SYAP1: variants seen among roughly 807,000 people sequenced by gnomAD.
SYAP1 encodes the protein synapse-associated protein 1.
In SYAP1, 3 loss-of-function variants were observed where a neutral mutation model predicts 29.6. The ratio of observed to expected loss-of-function variants is 0.10; its 90% CI spans 0.05 to 0.26. The LOEUF is 0.26. Ranked by LOEUF, SYAP1 falls within the 10% of genes least tolerant of loss-of-function variation. The pLI is 1.00. For synonymous variants in SYAP1, 102 were observed against 102.7 expected, an observed-to-expected ratio of 0.99 and a Z score of 0.04; for missense variants, 217 against 264.1, an observed-to-expected ratio of 0.82 and a Z score of 1.24.
chrX:16,720,002 G>A, intron 1 of SYAP1, 103 bp downstream of exon 1: 2 of 850,989 alleles, frequency 2.4e-6, no homozygotes, highest in South Asian at 4.8e-5. Flanking sequence ...AGGGGGCCGA[G>A]GTGGGAGGCA....
chrX:16,728,459 G>A (rs1267102248), intron 1 of SYAP1, among the ~76,000 whole-genome samples: 1 of 111,248 alleles, frequency 9.0e-6, no homozygotes, highest in Non-Finnish European at 1.9e-5. Context: ...CTGAGGCCAG[G>A]AGTTCAAGAC....
chrX:16,754,793 C>T, intron 5 of SYAP1, 152 bp from the exon 6 acceptor site: 1 of 535,917 alleles, frequency 1.9e-6, no homozygotes, highest in South Asian at 3.1e-5. Flanking sequence ...TGAAAGTGCT[C>T]TTGCAAATCA....
In SYAP1 at chrX:16,738,824, G is replaced by A. The variant is rs915039600; in HGVS notation, c.361+2592G>A. Among the ~76,000 whole-genome samples the A allele has an allele frequency of 4.5e-5, 5 of 112,001 alleles. No homozygotes were observed. In the Admixed American group the frequency reaches 4.8e-4, roughly 11 times the overall value. ...GGTCCACTTACAATGACCATGAGAA[G>A]GGCACCTTGGAAATGTGTTCCATGC... is the stretch of plus-strand genomic sequence containing the variant. On this transcript the variant is annotated intron_variant, in intron 3 of 8. Coordinates refer to ENST00000380155, the MANE Select transcript of SYAP1 (RefSeq NM_032796.4).
intron 5 of SYAP1, among the ~76,000 whole-genome samples, chrX:16,749,773 G>C (rs182168265): frequency 9.1e-6 from 1 of 109,777 alleles, no homozygotes; most frequent in East Asian, 2.9e-4. Context: ...AAAATTAGCC[G>C]GGTGGTGGCG....
intron 3 of SYAP1, among the ~76,000 whole-genome samples, chrX:16,739,524 TG>T (rs1470592948): frequency 1.0e-5 from 1 of 96,227 alleles, no homozygotes; most frequent in Non-Finnish European, 2.0e-5. Flanking sequence ...TTGCCCAGGC[TG>T]GAGTGCAGTG....
At chrX:16,734,611 T>C (rs1926282795) in intron 1 of SYAP1, among the ~76,000 whole-genome samples, 1 of 109,350 alleles carries the variant, frequency 9.1e-6, no homozygotes, top group African/African-American at 3.3e-5. Context: ...AGTAGGAGGG[T>C]AGATTATTTA....
Position 16,741,732 on chromosome X carries a change from A to C in SYAP1, c.378A>C (p.Pro126=). ...HTKKSEAAVP[P]WVDTNDEETI... is the part of the protein sequence containing the mutation. The stretch of plus-strand genomic sequence containing the variant: ...ACTGTATAGAAGCAGCTGTGCCCCC[A>C]TGGGTTGACACTAACGATGAAGAAA... Residue 126 remains proline, a synonymous_variant, in exon 4 of 9, where the codon CCA becomes CCC. Transcript: ENST00000380155. The C allele has an allele frequency of 8.3e-7, 1 of 1,205,150 alleles. No individual in the cohort carries two copies. The highest frequency in any genetic ancestry group is 1.1e-6 in the Non-Finnish European group (1 of 892,770).
intron 1 of SYAP1, among the ~76,000 whole-genome samples, chrX:16,725,531 G>GATC (rs1259828738): frequency 8.9e-6 from 1 of 111,839 alleles, no homozygotes; most frequent in African/African-American, 3.3e-5. Flanking sequence ...GGTGTCAGCT[G>GATC]ATCTCTTTGC....
At chrX:16,753,579 A>G (rs773781670) in intron 5 of SYAP1, among the ~76,000 whole-genome samples, 89 of 111,186 alleles carry the variant, frequency 8.0e-4, no homozygotes, top group Non-Finnish European at 9.0e-4. Flanking sequence ...TTCCCCAGGG[A>G]GCTCTGGATC....
At position 16,737,001 on chromosome X, in the gene SYAP1, A is replaced by G. The variant is rs764449345; in HGVS notation, c.361+769A>G. Reference sequence around the variant, plus strand: ...GGTGTTTGGAGAACATACTCAATACATTACTGCTGACACATGCCTCTGAAG... The same window carrying G: ...GGTGTTTGGAGAACATACTCAATACGTTACTGCTGACACATGCCTCTGAAG... On this transcript the variant is annotated intron_variant, in intron 3 of 8. Transcript: ENST00000380155. Among the ~76,000 whole-genome samples, 30 of 111,941 alleles carry G rather than the reference A, an allele frequency of 2.7e-4. 1 individual carries two copies. Among genetic ancestry groups the G allele is most frequent in the Non-Finnish European group, 7.5e-5 (4 of 53,218 alleles).
At chrX:16,725,690 T>A (rs1045035955) in intron 1 of SYAP1, among the ~76,000 whole-genome samples, 2 of 111,714 alleles carry the variant, frequency 1.8e-5, no homozygotes, top group African/African-American at 6.5e-5. Flanking sequence ...ATAATCTTGT[T>A]CCTCTTTTTG....
intron 3 of SYAP1, among the ~76,000 whole-genome samples, chrX:16,740,734 A>G (rs1926441141): frequency 9.0e-6 from 1 of 111,245 alleles, no homozygotes; most frequent in Non-Finnish European, 1.9e-5. Flanking sequence ...TCATAATCAT[A>G]GTATAGTTAA....
intron 5 of SYAP1, among the ~76,000 whole-genome samples, chrX:16,744,438 C>T (rs1056409100): frequency 2.7e-5 from 3 of 112,809 alleles, no homozygotes; most frequent in African/African-American, 6.4e-5. Flanking sequence ...TTGGAGTCAG[C>T]GTTCCTTCTT....
At chrX:16,758,683 T>A (rs1926909833) in intron 8 of SYAP1, among the ~76,000 whole-genome samples, 2 of 110,011 alleles carry the variant, frequency 1.8e-5, no homozygotes, top group South Asian at 7.8e-4. Flanking sequence ...GACTAAATTG[T>A]AAGATCCCCA....
intron 3 of SYAP1, among the ~76,000 whole-genome samples, chrX:16,737,782 A>G (rs1926362730): frequency 8.9e-6 from 1 of 112,056 alleles, no homozygotes. Flanking sequence ...ATAACTACAT[A>G]TGGCTAATGG....
rs1926953105 is a variant in SYAP1, at chrX:16,760,296, A to G, written c.996A>G (p.Glu332=). 3.3e-6 allele frequency: 4 copies of G among 1,203,117 alleles called. No individual in the cohort carries two copies. Among genetic ancestry groups the G allele is most frequent in the Non-Finnish European group, 4.5e-6 (4 of 891,729 alleles). The change falls in exon 9 of 9, where the codon GAA becomes GAG. Residue 332 remains glutamate (E), a synonymous_variant. Transcript: ENST00000380155. ...QELQEYEVVT[E]SEKRDENWDK... ...TTCAAGAATATGAAGTGGTGACAGA[A>G]TCTGAAAAACGAGATGAAAACTGGG...
chrX:16,754,729 A>C (rs1306968501), intron 5 of SYAP1, among the ~76,000 whole-genome samples: 1 of 108,089 alleles, frequency 9.3e-6, no homozygotes, highest in Non-Finnish European at 1.9e-5. Context: ...CTCCGTGTCA[A>C]AAAAAAAAAA....
At chrX:16,739,577 A>C (rs1926409572) in intron 3 of SYAP1, among the ~76,000 whole-genome samples, 1 of 105,568 alleles carries the variant, frequency 9.5e-6, no homozygotes, top group Non-Finnish European at 1.9e-5. Context: ...CCCGGGTTCA[A>C]GCAATTCTCC....
Position 16,761,719 on chromosome X carries a change from G to T in SYAP1, c.*1360G>T, listed in dbSNP as rs1926990577. On this transcript the variant is annotated 3_prime_UTR_variant, in exon 9 of 9. Coordinates refer to ENST00000380155, the MANE Select transcript of SYAP1 (RefSeq NM_032796.4). Reference sequence around the variant, plus strand: ...AATGAATGAATGAACGAACGAACAAGGTGGTTTAATGTCAGAAAACTTCCT... The same window carrying T: ...AATGAATGAATGAACGAACGAACAATGTGGTTTAATGTCAGAAAACTTCCT... 1 of 111,065 alleles carries T rather than the reference G, an allele frequency of 9.0e-6. No homozygotes were observed. 9.2% of individuals were successfully genotyped at this position (111,065 alleles called of 1,213,427 possible). A position where few individuals can be genotyped will look rare whatever the true frequency, so the allele number is the denominator to read the frequency against.
Sources: gnomAD v4.1 joint callset for allele counts (sites outside exome capture counted in the v4.1 genomes callset) on GRCh38, gnomAD v4.1.1 for gene constraint, MANE v1.5 for transcripts, NCBI Gene and HGNC (gene_info 2026-07-23, HGNC 2026-07-21) for gene names.